ARIH1: variants seen among roughly 807,000 people sequenced by gnomAD.
ARIH1 encodes ariadne RBR E3 ubiquitin protein ligase 1.
A neutral mutation model predicts 85.0 loss-of-function variants in ARIH1; 8 were observed. The observed-to-expected ratio is 0.09, with a 90% confidence interval of 0.06 to 0.17. The LOEUF is 0.17. ARIH1 is among the 10% of genes least tolerant of loss of function. The probability of loss-of-function intolerance (pLI) is 1.00; values close to 1 mark genes in which losing one functional copy is unlikely to be tolerated. For missense variants in ARIH1, 311 were observed against 718.1 expected, an observed-to-expected ratio of 0.43 and a Z score of 6.48; for synonymous variants, 238 against 253.6, an observed-to-expected ratio of 0.94 and a Z score of 0.59.
intron 2 of ARIH1, among the ~76,000 whole-genome samples, chr15:72,532,394 C>G (rs536527340): frequency 6.6e-6 from 1 of 151,832 alleles, no homozygotes. Flanking sequence ...AATAGTAAAC[C>G]TGTATCCTTA....
chr15:72,551,768 A>G (rs772722192), intron 3 of ARIH1, among the ~76,000 whole-genome samples: 17 of 152,224 alleles, frequency 1.1e-4, no homozygotes, highest in South Asian at 2.1e-4. Context: ...TTTCCTACAT[A>G]AGTAAAAAGC....
At chr15:72,562,013 A>G (rs984377636) in intron 6 of ARIH1, among the ~76,000 whole-genome samples, 1 of 152,074 alleles carries the variant, frequency 6.6e-6, no homozygotes, top group Non-Finnish European at 1.5e-5. Flanking sequence ...AGTATGAGAA[A>G]CCAGTAAGTA....
At chr15:72,501,376 A>G (rs537788330) in intron 1 of ARIH1, among the ~76,000 whole-genome samples, 4 of 152,326 alleles carry the variant, frequency 2.6e-5, no homozygotes, top group East Asian at 3.9e-4. Context: ...ACAAAATCTT[A>G]TTTACTGTAT....
chr15:72,578,040 G>A (rs528064238), intron 11 of ARIH1, among the ~76,000 whole-genome samples: 359 of 152,278 alleles, frequency 2.4e-3, no homozygotes, highest in African/African-American at 8.3e-3. Flanking sequence ...TTCTGGCACT[G>A]CTTCTTTAGT....
At chr15:72,523,465 AG>A (rs1444790130) in intron 2 of ARIH1, among the ~76,000 whole-genome samples, 1 of 151,850 alleles carries the variant, frequency 6.6e-6, no homozygotes, top group Non-Finnish European at 1.5e-5. Flanking sequence ...TGAAAAGATC[AG>A]TGGTTGCTAG....
intron 6 of ARIH1, among the ~76,000 whole-genome samples, chr15:72,562,430 G>C (rs2064201110): frequency 1.3e-5 from 2 of 152,110 alleles, no homozygotes; most frequent in Non-Finnish European, 2.9e-5. Context: ...ATTTCTGTTA[G>C]AGATTAAACC....
At chr15:72,546,384 G>T (rs1228364925) in intron 3 of ARIH1, among the ~76,000 whole-genome samples, 2 of 152,198 alleles carry the variant, frequency 1.3e-5, no homozygotes, top group African/African-American at 4.8e-5. Context: ...TATTTAGTAG[G>T]TAAAGTGGTG....
At chr15:72,518,272 A>T in intron 2 of ARIH1, 138 bp downstream of exon 2, 1 of 619,366 alleles carries the variant, frequency 1.6e-6, no homozygotes, top group Non-Finnish European at 2.7e-6. Flanking sequence ...TGACTGCTTT[A>T]ATTTCTTGTA....
At position 72,590,430 on chromosome 15, in the gene ARIH1, C is replaced by G. The variant is rs1437394783; in HGVS notation, c.*7138C>G. On this transcript the variant is annotated 3_prime_UTR_variant, in exon 14 of 14. Transcript: ENST00000379887. Reference sequence around the variant, plus strand: ...CGTTGGTGACCTCAGATACACTGTTCAGAAGTACTCAAAGTATTCCTTTTT... The same window carrying G: ...CGTTGGTGACCTCAGATACACTGTTGAGAAGTACTCAAAGTATTCCTTTTT... 6.6e-6 allele frequency: 1 copy of G among 152,188 alleles called. No individual in the cohort carries two copies. The highest frequency in any genetic ancestry group is 2.4e-5 in the African/African-American group (1 of 41,456). 9.4% of individuals were successfully genotyped at this position (152,188 alleles called of 1,614,324 possible).
chr15:72,530,197 T>C (rs1301182050), intron 2 of ARIH1, among the ~76,000 whole-genome samples: 2 of 152,188 alleles, frequency 1.3e-5, no homozygotes, highest in African/African-American at 4.8e-5. Context: ...CTAGGTGAAA[T>C]ACTGAAACAT....
intron 1 of ARIH1, among the ~76,000 whole-genome samples, chr15:72,489,386 A>G (rs913118614): frequency 4.6e-5 from 7 of 152,150 alleles, no homozygotes; most frequent in Non-Finnish European, 1.0e-4. Flanking sequence ...ATTTGTGCTG[A>G]TGTTGCAGGG....
intron 1 of ARIH1, among the ~76,000 whole-genome samples, chr15:72,498,961 A>T (rs1046361912): frequency 7.9e-5 from 7 of 88,450 alleles, no homozygotes; most frequent in South Asian, 7.9e-4. Flanking sequence ...CTTTTCATAA[A>T]TTTTTTTTTT....
At chr15:72,571,212 C>T (rs903943605) in intron 10 of ARIH1, among the ~76,000 whole-genome samples, 6 of 151,020 alleles carry the variant, frequency 4.0e-5, no homozygotes, top group Non-Finnish European at 7.4e-5. Flanking sequence ...GCATAAGCCT[C>T]CACTGGGTGA....
chr15:72,542,927 CTT>C (rs771255824), intron 2 of ARIH1, among the ~76,000 whole-genome samples: 9 of 139,240 alleles, frequency 6.5e-5, no homozygotes, highest in African/African-American at 1.0e-4. Context: ...TTTATATTAT[CTT>C]TTTTTTTTTT....
intron 2 of ARIH1, among the ~76,000 whole-genome samples, chr15:72,529,311 C>T (rs555925473): frequency 6.6e-6 from 1 of 152,360 alleles, no homozygotes; most frequent in Non-Finnish European, 1.5e-5. Flanking sequence ...GGCGTGATCA[C>T]AGCTGACTGC....
chr15:72,488,944 T>A (rs558927936), intron 1 of ARIH1, among the ~76,000 whole-genome samples: 7 of 152,174 alleles, frequency 4.6e-5, no homozygotes, highest in Non-Finnish European at 8.8e-5. Flanking sequence ...AGTGATGATG[T>A]TAAAGACAGT....
intron 1 of ARIH1, among the ~76,000 whole-genome samples, chr15:72,477,733 T>G (rs1343689598): frequency 3.3e-5 from 5 of 152,182 alleles, no homozygotes; most frequent in Non-Finnish European, 4.4e-5. Flanking sequence ...TTATTTAATT[T>G]GGTCTTTTGT....
intron 1 of ARIH1, among the ~76,000 whole-genome samples, chr15:72,513,493 C>T (rs1396167619): frequency 6.6e-6 from 1 of 151,996 alleles, no homozygotes; most frequent in Non-Finnish European, 1.5e-5. Context: ...TTTTTTATTT[C>T]AACAGTTTTA....
chr15:72,600,957 T>G lies in ARIH1; in HGVS notation c.*17665T>G, dbSNP rs936255100. 2.0e-5 allele frequency: 3 copies of G among 152,232 alleles called. No homozygotes were observed. The highest frequency in any genetic ancestry group is 4.4e-5 in the Non-Finnish European group (3 of 68,040). The allele number at this position is 152,232 out of a possible 1,614,324, so 9.4% of individuals were successfully genotyped here. ...ATATTGGGAAACAGCCTCATGAGCT[T>G]TCTACAAACATCTTTGTCCTTAAGT... On this transcript the variant is annotated 3_prime_UTR_variant, in exon 14 of 14. Coordinates refer to ENST00000379887, the MANE Select transcript of ARIH1 (RefSeq NM_005744.5).
Sources: allele counts gnomAD v4.1 joint callset (sites outside exome capture counted in the v4.1 genomes callset), GRCh38; gene constraint gnomAD v4.1.1; transcripts MANE v1.5; gene names NCBI Gene and HGNC (gene_info 2026-07-23, HGNC 2026-07-21).